Variants in AP1M1 observed in about 807,000 individuals in gnomAD.
The protein encoded by AP1M1 is adaptor related protein complex 1 subunit mu 1.
AP1M1 carries 18 observed loss-of-function variants against 57.1 expected under a neutral mutation model. The observed-to-expected ratio is 0.32, with a 90% CI of 0.22 to 0.47. The LOEUF (loss-of-function observed/expected upper bound fraction) is 0.47, where lower values mean the gene tolerates loss of function less well. AP1M1 is among the 20% of genes least tolerant of loss of function. AP1M1 has a pLI of 1.00. For synonymous variants in AP1M1, 241 were observed against 237.9 expected (o/e 1.01, Z -0.12); for missense variants, 362 against 593.5 (o/e 0.61, Z 4.05).
intron 1 of AP1M1, among the ~76,000 whole-genome samples, chr19:16,201,796 A>C (rs2091448858): frequency 6.6e-6 from 1 of 152,168 alleles, no homozygotes; most frequent in African/African-American, 2.4e-5. Flanking sequence ...GATGTGGATC[A>C]CTCAGAGACC....
At chr19:16,212,921 G>GT (rs2091501595) in intron 5 of AP1M1, among the ~76,000 whole-genome samples, 1 of 152,098 alleles carries the variant, frequency 6.6e-6, no homozygotes, top group South Asian at 2.1e-4. Flanking sequence ...GATTTTCTTA[G>GT]TTTTGAATTC....
rs1257454773 is a variant in AP1M1 at position 16,234,608 on chromosome 19, C to T, written c.*173C>T. 1.4e-6 allele frequency: 1 copy of T among 715,156 alleles called. No individual in the cohort carries two copies. Among genetic ancestry groups the T allele is most frequent in the Middle Eastern group, 3.4e-4 (1 of 2,972 alleles). The allele number at this position is 715,156 out of a possible 1,614,324, so 44.3% of individuals were successfully genotyped here. On this transcript the variant is annotated 3_prime_UTR_variant, in exon 12 of 12. Coordinates refer to ENST00000291439, the MANE Select transcript of AP1M1 (RefSeq NM_032493.4). ...CATCTGCTCTGCCGTCGACACTCGT[C>T]TCAGAAGCCCCTTTCCCAGAAGAGG...
At chr19:16,215,211 G>T (rs2091513607) in intron 5 of AP1M1, among the ~76,000 whole-genome samples, 1 of 18,658 alleles carries the variant, frequency 5.4e-5, no homozygotes, top group Non-Finnish European at 1.5e-4. Flanking sequence ...GGGGGGGGGG[G>T]AGAGGGGGGA....
In AP1M1 at chr19:16,245,145, C is replaced by T. The variant is rs1437596193; in HGVS notation, c.*10710C>T. 6.6e-6 allele frequency: 1 copy of T among 152,122 alleles called. No homozygotes were observed. The highest frequency in any genetic ancestry group is 2.4e-5 in the African/African-American group (1 of 41,432). 9.4% of individuals were successfully genotyped at this position (152,122 alleles called of 1,614,324 possible). Reference sequence around the variant, plus strand: ...TCCCGACCTCAGGTGATCCGCCCGCCTCGGCCTCCCAAAGTGCTGGGATTA... The same window carrying T: ...TCCCGACCTCAGGTGATCCGCCCGCTTCGGCCTCCCAAAGTGCTGGGATTA... On this transcript the variant is annotated 3_prime_UTR_variant, in exon 12 of 12. Coordinates refer to ENST00000291439, the MANE Select transcript of AP1M1 (RefSeq NM_032493.4).
At position 16,227,759 on chromosome 19, in the gene AP1M1, C is replaced by G; in HGVS notation, c.816+69C>G. On this transcript the variant is annotated intron_variant, in intron 7 of 11. Coordinates refer to ENST00000291439, the MANE Select transcript of AP1M1 (RefSeq NM_032493.4). This position sits in a 1 kb window ranked among gnomAD's most constrained non-coding sequence, Gnocchi z 6.2. ...TCCCCTTCACCTCCAGGAGGTGAAG[C>G]CCAGGCAGGCGCCAGGGCCAGCCCC... 2 of 1,552,150 alleles carry G rather than the reference C, an allele frequency of 1.3e-6. No individual in the cohort carries two copies. The highest frequency in any genetic ancestry group is 1.8e-6 in the Non-Finnish European group (2 of 1,138,296).
chr19:16,208,570 G>A (rs560083936), intron 4 of AP1M1, among the ~76,000 whole-genome samples: 29 of 152,166 alleles, frequency 1.9e-4, no homozygotes, highest in African/African-American at 6.3e-4. Flanking sequence ...CAGCCTCCCC[G>A]TATACCGTCT....
In AP1M1 at chr19:16,235,927, G is replaced by A. The variant is rs1290125296; in HGVS notation, c.*1492G>A. 1 of 152,276 alleles carries A rather than the reference G, an allele frequency of 6.6e-6. No individual in the cohort carries two copies. Among genetic ancestry groups the A allele is most frequent in the Non-Finnish European group, 1.5e-5 (1 of 68,146 alleles). 9.4% of individuals were successfully genotyped at this position (152,276 alleles called of 1,614,324 possible). ...CCTTCATTCTCCCCCTCCCTCTCCT[G>A]TCTTGCCGAGCTCGTCCTCAGGTGT... On this transcript the variant is annotated 3_prime_UTR_variant, in exon 12 of 12. Coordinates refer to ENST00000291439, the MANE Select transcript of AP1M1 (RefSeq NM_032493.4).
At chr19:16,221,106 A>G (rs544308650) in intron 5 of AP1M1, among the ~76,000 whole-genome samples, 57 of 152,210 alleles carry the variant, frequency 3.7e-4, no homozygotes, top group Non-Finnish European at 6.9e-4. Flanking sequence ...TTGTTTCCTA[A>G]AATATGGTTT....
At position 16,237,172 on chromosome 19, in the gene AP1M1, G is replaced by A. The variant is rs955379999; in HGVS notation, c.*2737G>A. ...CGTTCGGCCAGGCGTGGTGGCTCACGCCCGTGAGCCCAATACTTTGGGAAG... is the reference window on the plus strand; with the variant it reads ...CGTTCGGCCAGGCGTGGTGGCTCACACCCGTGAGCCCAATACTTTGGGAAG... On this transcript the variant is annotated 3_prime_UTR_variant, in exon 12 of 12. Coordinates refer to ENST00000291439, the MANE Select transcript of AP1M1 (RefSeq NM_032493.4). 9 of 152,212 alleles carry A rather than the reference G, an allele frequency of 5.9e-5. No individual in the cohort carries two copies. The highest frequency in any genetic ancestry group is 1.4e-4 in the African/African-American group (6 of 41,444). 9.4% of individuals were successfully genotyped at this position (152,212 alleles called of 1,614,324 possible). A position where few individuals can be genotyped will look rare whatever the true frequency, so the allele number is the denominator to read the frequency against.
intron 4 of AP1M1, 74 bp from the exon 5 acceptor site, chr19:16,208,956 C>T (rs1317725544): frequency 1.9e-5 from 29 of 1,543,108 alleles, no homozygotes; most frequent in East Asian, 6.8e-5. Context: ...CCAACCCTGC[C>T]GAAATGTCAA....
rs539073355 is a variant in AP1M1 at position 16,198,211 on chromosome 19, C to T, written c.42+143C>T. On this transcript the variant is annotated intron_variant, in intron 1 of 11. Coordinates refer to ENST00000291439, the MANE Select transcript of AP1M1 (RefSeq NM_032493.4). ...GAGGCCGGTAGACCTCACCTGAGAG[C>T]CCCATCCTGTTTCTGGGTAACCGGG... 22 of 790,642 alleles carry T rather than the reference C, an allele frequency of 2.8e-5. No homozygotes were observed. The East Asian group carries it at 6.7e-4, about 24-fold the overall frequency. 49.0% of individuals were successfully genotyped at this position (790,642 alleles called of 1,614,324 possible).
Position 16,244,119 on chromosome 19 carries a change from C to T in AP1M1, c.*9684C>T, listed in dbSNP as rs994244849. 2.0e-5 allele frequency: 3 copies of T among 152,186 alleles called. No individual in the cohort carries two copies. Among genetic ancestry groups the T allele is most frequent in the Non-Finnish European group, 4.4e-5 (3 of 68,036 alleles). 9.4% of individuals were successfully genotyped at this position (152,186 alleles called of 1,614,324 possible). ...TACTTAAAGCAGCCAGAGGTAAAGA[C>T]ACATCACCTTCAGACATGACAACCA... On this transcript the variant is annotated 3_prime_UTR_variant, in exon 12 of 12. Coordinates refer to ENST00000291439, the MANE Select transcript of AP1M1 (RefSeq NM_032493.4).
chr19:16,234,165 T>C, intron 10 of AP1M1, 34 bp from the exon 11 acceptor site: 1 of 1,596,840 alleles, frequency 6.3e-7, no homozygotes, highest in Non-Finnish European at 8.5e-7. Flanking sequence ...GGCGGGAGCC[T>C]GCGGTGCTCA....
chr19:16,226,023 G>A (rs973916351), intron 5 of AP1M1, among the ~76,000 whole-genome samples: 8 of 152,258 alleles, frequency 5.3e-5, no homozygotes, highest in Middle Eastern at 6.8e-3. Context: ...ACCAGCTGCC[G>A]GGCCGGCCCG....
At chr19:16,232,679 G>A (rs2091604122) in intron 9 of AP1M1, among the ~76,000 whole-genome samples, 1 of 152,190 alleles carries the variant, frequency 6.6e-6, no homozygotes, top group African/African-American at 2.4e-5. Context: ...CCAGGTGCAC[G>A]GGGACCGCCC....
Position 16,241,991 on chromosome 19 carries a change from C to CAAA in AP1M1, c.*7565_*7567dup. 1 of 133,810 alleles carries CAAA rather than the reference C, an allele frequency of 7.5e-6. No individual in the cohort carries two copies. The highest frequency in any genetic ancestry group is 1.6e-5 in the Non-Finnish European group (1 of 62,272). The allele number at this position is 133,810 out of a possible 1,614,324, so 8.3% of individuals were successfully genotyped here. On this transcript the variant is annotated 3_prime_UTR_variant, in exon 12 of 12. Transcript: ENST00000291439. The stretch of plus-strand genomic sequence containing the variant: ...CTGGGCAATGAGCGAAACTCCATCT[C>CAAA]AAAAAAAAAAAGAAAGAAAAAGAAA...
chr19:16,207,052 G>A lies in AP1M1; in HGVS notation c.267+644G>A. On this transcript the variant is annotated intron_variant, in intron 3 of 11. Transcript: ENST00000291439. The surrounding 1 kb of genome is among the most constrained non-coding windows in gnomAD (Gnocchi z 4.2). ...GCAGGAGACTGACAAGACGTGGTTT[G>A]ATCTAAAGCAGCCTCTCTGGCTGCT... Among the ~76,000 whole-genome samples, 2 of 152,212 alleles carry A rather than the reference G, an allele frequency of 1.3e-5. 1 individual carries two copies. The highest frequency in any genetic ancestry group is 2.9e-5 in the Non-Finnish European group (2 of 68,038).
chr19:16,224,965 G>GGA (rs149226419), intron 5 of AP1M1, among the ~76,000 whole-genome samples: 15,046 of 151,430 alleles, frequency 0.099, 1,000 homozygotes, highest in East Asian at 0.38. Flanking sequence ...CCCCCAGCAG[G>GGA]GAGAGAGAGA....
chr19:16,226,433 G>T lies in AP1M1; in HGVS notation c.559G>T (p.Gly187Cys). 1 of 1,546,622 alleles carries T rather than the reference G, an allele frequency of 6.5e-7. No individual in the cohort carries two copies. ...CCGCCACCCCCAGGTCAGCGCCAAC[G>T]GCAATGTCCTGCGCAGCGAGATCGT... ...ESVNLLVSAN[G>C]NVLRSEIVGS... Residue 187 changes from glycine (G) to cysteine (C), a missense_variant, in exon 6 of 12, where the codon GGC (glycine) becomes TGC (cysteine). This residue lies in a region of AP1M1 where 337 missense variants were observed against 511.1 expected (regional missense o/e 0.66). Transcript: ENST00000291439.
Sources: gnomAD v4.1 joint callset for allele counts (sites outside exome capture counted in the v4.1 genomes callset) on GRCh38, gnomAD v4.1.1 for gene constraint, gnomAD v4.1.1 regional missense constraint, Gnocchi (gnomAD v3.1) non-coding constraint, MANE v1.5 for transcripts, NCBI Gene and HGNC (gene_info 2026-07-23, HGNC 2026-07-21) for gene names.